Variants in YPEL2 observed in about 807,000 individuals in gnomAD.
The protein encoded by YPEL2 is yippee like 2.
Under a neutral mutation model 19.1 loss-of-function variants are expected in YPEL2, and 2 were observed. That is an observed-to-expected ratio of 0.10 (90% CI 0.04 to 0.33). YPEL2 has a LOEUF of 0.33. Among genes scored for constraint, YPEL2 ranks in the 10% least tolerant of loss-of-function variants. The pLI, the probability that YPEL2 is intolerant of heterozygous loss-of-function variation, is 1.00. For missense variants in YPEL2, 66 were observed against 140.7 expected (o/e 0.47, Z 2.68); for synonymous variants, 52 against 50.0 (o/e 1.04, Z -0.17).
chr17:59,353,591 C>A lies in YPEL2; in HGVS notation c.117+65C>A, dbSNP rs2047798016. 8.4e-7 allele frequency: 1 copy of A among 1,190,592 alleles called. No homozygotes were observed. Among genetic ancestry groups the A allele is most frequent in the Non-Finnish European group, 1.3e-6 (1 of 795,902 alleles). The allele number at this position is 1,190,592 out of a possible 1,614,324, so 73.8% of individuals were successfully genotyped here. On this transcript the variant is annotated intron_variant, in intron 2 of 4. Coordinates refer to ENST00000312655, the MANE Select transcript of YPEL2 (RefSeq NM_001005404.4). This position sits in a 1 kb window ranked among gnomAD's most constrained non-coding sequence, Gnocchi z 4.8. ...AGGGCGCTTAGTGCTCCTGAAGTTG[C>A]AGAGGTTTACAAGCTCTCAAGAATA...
At chr17:59,368,091 C>CTT (rs561752545) in intron 2 of YPEL2, among the ~76,000 whole-genome samples, 1 of 149,124 alleles carries the variant, frequency 6.7e-6, no homozygotes, top group African/African-American at 2.5e-5. Flanking sequence ...ATGAAATTCT[C>CTT]TTTTTTTTTT....
At chr17:59,359,479 A>T (rs150023845) in intron 2 of YPEL2, among the ~76,000 whole-genome samples, 1,629 of 152,338 alleles carry the variant, frequency 0.011, 23 homozygotes, top group South Asian at 0.027. Context: ...TCAGACCAGA[A>T]TGCCAGTTAG....
intron 1 of YPEL2, among the ~76,000 whole-genome samples, chr17:59,344,500 G>A (rs2047746550): frequency 6.6e-6 from 1 of 152,182 alleles, no homozygotes; most frequent in African/African-American, 2.4e-5. Flanking sequence ...GCTCACATCT[G>A]TAATCCCAGC....
At chr17:59,389,500 C>T (rs1266566095) in intron 4 of YPEL2, 32 bp downstream of exon 4, 1 of 1,560,088 alleles carries the variant, frequency 6.4e-7, no homozygotes. Flanking sequence ...TGGTAGAGGG[C>T]TGGAAGGGAA....
intron 2 of YPEL2, among the ~76,000 whole-genome samples, chr17:59,387,346 A>G (rs910363130): frequency 4.0e-5 from 6 of 151,286 alleles, no homozygotes; most frequent in Admixed American, 3.9e-4. Flanking sequence ...GACAAAAATG[A>G]TTGTCTCGCG....
intron 4 of YPEL2, among the ~76,000 whole-genome samples, chr17:59,394,164 C>T (rs546370758): frequency 4.0e-5 from 6 of 151,732 alleles, no homozygotes; most frequent in Admixed American, 2.0e-4. Flanking sequence ...ACCTCCCTCC[C>T]GGACGGGGCG....
chr17:59,348,780 A>G (rs998935893), intron 1 of YPEL2, among the ~76,000 whole-genome samples: 6 of 152,164 alleles, frequency 3.9e-5, no homozygotes, highest in Non-Finnish European at 8.8e-5. Flanking sequence ...GTTATGTTCT[A>G]TGAGTTGGAC....
chr17:59,377,995 A>G (rs1483742493), intron 2 of YPEL2, among the ~76,000 whole-genome samples: 1 of 152,178 alleles, frequency 6.6e-6, no homozygotes, highest in Non-Finnish European at 1.5e-5. Context: ...TGAATCGGCA[A>G]TATGTTCCTC....
At chr17:59,339,201 T>G (rs75559421) in intron 1 of YPEL2, among the ~76,000 whole-genome samples, 5,611 of 142,830 alleles carry the variant, frequency 0.039, 163 homozygotes, top group Non-Finnish European at 0.057. Context: ...CATTGCCAAA[T>G]GAACCATAAG....
Position 59,397,260 on chromosome 17 carries a change from G to C in YPEL2, c.*70G>C. 3 of 1,249,992 alleles carry C rather than the reference G, an allele frequency of 2.4e-6. No homozygotes were observed. Among genetic ancestry groups the C allele is most frequent in the Non-Finnish European group, 3.3e-6 (3 of 902,616 alleles). 77.4% of individuals were successfully genotyped at this position (1,249,992 alleles called of 1,614,324 possible). ...AACCGAACATTCTTCCCAAGCGTGA[G>C]AGAGTGACTGACACTTGGTTCCATC... On this transcript the variant is annotated 3_prime_UTR_variant, in exon 5 of 5. Transcript: ENST00000312655.
chr17:59,352,729 G>A (rs1440129857), intron 1 of YPEL2, among the ~76,000 whole-genome samples: 1 of 151,738 alleles, frequency 6.6e-6, no homozygotes, highest in Non-Finnish European at 1.5e-5. Flanking sequence ...TGCTGCCTCT[G>A]CAGGTGATGG....
intron 4 of YPEL2, 80 bp downstream of exon 4, chr17:59,389,548 C>A: frequency 1.8e-6 from 2 of 1,103,998 alleles, no homozygotes; most frequent in South Asian, 1.3e-5. Flanking sequence ...TTCTTCTACT[C>A]GCTTTCCATG....
chr17:59,389,233 C>A, intron 3 of YPEL2, 127 bp from the exon 4 acceptor site: 1 of 748,896 alleles, frequency 1.3e-6, no homozygotes, highest in Non-Finnish European at 2.2e-6. Context: ...TGGTTTAGAT[C>A]TGCTCAGCTC....
intron 2 of YPEL2, among the ~76,000 whole-genome samples, chr17:59,386,802 G>A (rs1305968983): frequency 2.6e-5 from 4 of 152,194 alleles, no homozygotes; most frequent in Non-Finnish European, 5.9e-5. Context: ...CCCCAGGGAT[G>A]TTTCAAGACC....
intron 2 of YPEL2, among the ~76,000 whole-genome samples, chr17:59,359,336 C>T (rs575588252): frequency 2.0e-5 from 3 of 152,112 alleles, no homozygotes; most frequent in African/African-American, 7.2e-5. Context: ...TCTAAAAATC[C>T]CTTCATTTCT....
chr17:59,341,986 A>G (rs2047733740), intron 1 of YPEL2, among the ~76,000 whole-genome samples: 1 of 152,216 alleles, frequency 6.6e-6, no homozygotes, highest in African/African-American at 2.4e-5. Flanking sequence ...CATATAAGCA[A>G]CCTTTTGAAA....
intron 2 of YPEL2, chr17:59,354,926 T>C (rs1054655060): frequency 6.6e-6 from 1 of 151,988 alleles, no homozygotes; most frequent in Non-Finnish European, 1.5e-5. Flanking sequence ...CTCTTGGACG[T>C]TGGAATTGGG....
chr17:59,376,974 A>AG (rs2047924976), intron 2 of YPEL2, among the ~76,000 whole-genome samples: 1 of 140,354 alleles, frequency 7.1e-6, no homozygotes, highest in Non-Finnish European at 1.5e-5. Flanking sequence ...AAAAAAAAAA[A>AG]ACAAAGAAAA....
intron 4 of YPEL2, among the ~76,000 whole-genome samples, chr17:59,395,237 A>T (rs112825836): frequency 1.1e-5 from 1 of 88,314 alleles, no homozygotes; most frequent in Non-Finnish European, 2.0e-5. Context: ...GTGCACAGAG[A>T]CGGAATAATG....
Sources: allele counts gnomAD v4.1 joint callset (sites outside exome capture counted in the v4.1 genomes callset), GRCh38; gene constraint gnomAD v4.1.1; non-coding constraint Gnocchi (gnomAD v3.1); transcripts MANE v1.5; gene names NCBI Gene and HGNC (gene_info 2026-07-23, HGNC 2026-07-21).